Variants in CCDC73 observed in about 807,000 individuals in gnomAD.
CCDC73 encodes coiled-coil domain-containing protein 73.
In CCDC73, 95 loss-of-function variants were observed where a neutral mutation model predicts 116.5. The ratio of observed to expected loss-of-function variants is 0.82; its 90% CI spans 0.69 to 0.97. The LOEUF (loss-of-function observed/expected upper bound fraction) is 0.97, where lower values mean the gene tolerates loss of function less well. CCDC73 is among the 50% of genes least tolerant of loss of function. CCDC73 has a pLI of 0.00. For missense variants in CCDC73, 1,066 were observed against 1,206.8 expected, an observed-to-expected ratio of 0.88 and a Z score of 1.73; for synonymous variants, 398 against 401.3, an observed-to-expected ratio of 0.99 and a Z score of 0.10.
At chr11:32,784,556 G>A (rs1018199449) in intron 1 of CCDC73, among the ~76,000 whole-genome samples, 1 of 152,106 alleles carries the variant, frequency 6.6e-6, no homozygotes, top group Non-Finnish European at 1.5e-5. Context: ...ATCATGGGAA[G>A]GCATTAGATA....
At chr11:32,645,285 CT>C (rs1273026839) in intron 12 of CCDC73, among the ~76,000 whole-genome samples, 3 of 103,030 alleles carry the variant, frequency 2.9e-5, no homozygotes, top group African/African-American at 1.1e-4. Flanking sequence ...TTTTCTTTTT[CT>C]TTTTCTTTTT....
intron 9 of CCDC73, among the ~76,000 whole-genome samples, chr11:32,668,424 A>G (rs2133280117): frequency 6.6e-6 from 1 of 152,326 alleles, no homozygotes. Context: ...TACAAATTAT[A>G]ATAAATGTAA....
At chr11:32,698,215 G>A (rs916545558) in intron 6 of CCDC73, among the ~76,000 whole-genome samples, 2 of 151,484 alleles carry the variant, frequency 1.3e-5, no homozygotes, top group East Asian at 1.9e-4. Flanking sequence ...TAGTAGAGAC[G>A]GGGTTTCACC....
intron 2 of CCDC73, among the ~76,000 whole-genome samples, chr11:32,738,771 C>G (rs530786406): frequency 1.3e-5 from 2 of 152,208 alleles, no homozygotes; most frequent in African/African-American, 4.8e-5. Context: ...GAAATCTCTG[C>G]CCAGTCCAAT....
intron 12 of CCDC73, among the ~76,000 whole-genome samples, chr11:32,650,746 T>C (rs1487583195): frequency 2.0e-5 from 3 of 152,162 alleles, no homozygotes; most frequent in Admixed American, 6.5e-5. Flanking sequence ...GGCAAAACTT[T>C]CGTTACATGA....
chr11:32,724,059 G>C (rs2133338135), intron 2 of CCDC73, among the ~76,000 whole-genome samples: 1 of 151,676 alleles, frequency 6.6e-6, no homozygotes, highest in Middle Eastern at 3.4e-3. Context: ...TTTTCCATGG[G>C]GTATAAAGAT....
intron 6 of CCDC73, among the ~76,000 whole-genome samples, chr11:32,690,725 TC>T (rs1015002245): frequency 6.6e-6 from 1 of 152,310 alleles, no homozygotes; most frequent in Admixed American, 6.5e-5. Context: ...CAGTCAAGCT[TC>T]CTATACAGCC....
the CCDC73 span, among the ~76,000 whole-genome samples, chr11:32,820,447 C>T: frequency 6.6e-6 from 1 of 152,128 alleles, no homozygotes; most frequent in Non-Finnish European, 1.5e-5. Flanking sequence ...TGAGCCACCA[C>T]ACTCATCCTT....
intron 9 of CCDC73, among the ~76,000 whole-genome samples, chr11:32,673,469 T>A (rs1466039362): frequency 6.6e-6 from 1 of 152,146 alleles, no homozygotes; most frequent in East Asian, 1.9e-4. Context: ...ATTTTTGGTA[T>A]TTTTTTCCTT....
intron 14 of CCDC73, among the ~76,000 whole-genome samples, chr11:32,620,021 C>T (rs998120980): frequency 1.9e-4 from 29 of 152,102 alleles, no homozygotes; most frequent in Non-Finnish European, 3.8e-4. Context: ...AATTGTAAAA[C>T]AGATTGAGAG....
At chr11:32,717,433 T>C (rs1031505185) in intron 3 of CCDC73, among the ~76,000 whole-genome samples, 1 of 152,198 alleles carries the variant, frequency 6.6e-6, no homozygotes, top group Non-Finnish European at 1.5e-5. Context: ...CACTCCCCTA[T>C]AACACACAAT....
At chr11:32,635,928 A>C in intron 13 of CCDC73, 98 bp from the exon 14 acceptor site, 1 of 751,948 alleles carries the variant, frequency 1.3e-6, no homozygotes, top group Non-Finnish European at 1.7e-6. Flanking sequence ...GGAAATAGTC[A>C]AAGAATCAAA....
intron 2 of CCDC73, among the ~76,000 whole-genome samples, chr11:32,719,306 C>G (rs192506325): frequency 2.6e-5 from 4 of 152,316 alleles, no homozygotes; most frequent in African/African-American, 9.6e-5. Context: ...TGCCTCAACA[C>G]ACACACACAG....
chr11:32,792,525 CT>C (rs924763513), intron 1 of CCDC73, among the ~76,000 whole-genome samples: 7 of 152,044 alleles, frequency 4.6e-5, no homozygotes, highest in Non-Finnish European at 8.8e-5. Context: ...CCACAGAAAC[CT>C]TTTTTTATTG....
At chr11:32,676,169 T>A in intron 7 of CCDC73, 148 bp from the exon 8 acceptor site, 3 of 525,244 alleles carry the variant, frequency 5.7e-6, no homozygotes, top group Non-Finnish European at 9.1e-6. Flanking sequence ...CTGAGTAAAC[T>A]GTAAGGAGGA....
At chr11:32,744,204 T>TTAC (rs1222583356) in intron 2 of CCDC73, among the ~76,000 whole-genome samples, 1 of 152,240 alleles carries the variant, frequency 6.6e-6, no homozygotes, top group East Asian at 1.9e-4. Flanking sequence ...ATGTGATAGA[T>TTAC]TACATTTATT....
intron 7 of CCDC73, among the ~76,000 whole-genome samples, chr11:32,678,633 C>T (rs1351397558): frequency 6.6e-6 from 1 of 152,008 alleles, no homozygotes; most frequent in Non-Finnish European, 1.5e-5. Context: ...CGTCTGTAAT[C>T]CCAGCACTTT....
the CCDC73 span, among the ~76,000 whole-genome samples, chr11:32,803,458 C>T: frequency 1.3e-5 from 2 of 152,168 alleles, no homozygotes; most frequent in South Asian, 2.1e-4. Flanking sequence ...ACAGCATGCA[C>T]CTTTTAGTAA....
intron 14 of CCDC73, among the ~76,000 whole-genome samples, chr11:32,627,384 A>T (rs1432584026): frequency 6.6e-6 from 1 of 152,234 alleles, no homozygotes; most frequent in African/African-American, 2.4e-5. Context: ...ACTGTAAACT[A>T]GTTCAACCAC....
Sources: gnomAD v4.1 joint callset for allele counts (sites outside exome capture counted in the v4.1 genomes callset) on GRCh38, gnomAD v4.1.1 for gene constraint, MANE v1.5 for transcripts, NCBI Gene and HGNC (gene_info 2026-07-23, HGNC 2026-07-21) for gene names.